CYB5R4: variants seen among roughly 807,000 people sequenced by gnomAD.
The protein encoded by CYB5R4 is N-terminal cytochrome b5 and cytochrome b5 oxidoreductase domain-containing protein.
CYB5R4 carries 55 observed loss-of-function variants against 70.2 expected under a neutral mutation model. The ratio of observed to expected loss-of-function variants is 0.78; its 90% CI spans 0.63 to 0.98. CYB5R4 has a LOEUF of 0.98. CYB5R4 is among the 50% of genes least tolerant of loss of function. The pLI is 0.00. For missense variants in CYB5R4, 562 were observed against 612.6 expected (o/e 0.92, Z 0.87); for synonymous variants, 197 against 199.5 (o/e 0.99, Z 0.11).
At chr6:83,918,670 T>G (rs1007335978) in intron 6 of CYB5R4, among the ~76,000 whole-genome samples, 7 of 152,092 alleles carry the variant, frequency 4.6e-5, no homozygotes, top group African/African-American at 1.4e-4. Flanking sequence ...TAGTTGTCTT[T>G]AACAGTTAAC....
In CYB5R4 at chr6:83,912,230, G is replaced by A. The variant is rs545205725; in HGVS notation, c.413-2186G>A. Among the ~76,000 whole-genome samples, 11 of 152,146 alleles carry A rather than the reference G, an allele frequency of 7.2e-5. No individual in the cohort carries two copies. The South Asian group carries it at 2.3e-3, about 32-fold the overall frequency. ...ACACCAAGGACATGTTTCTGTTGAT[G>A]TTGTTGTTGTTGTGACTCTTTCCAA... is the stretch of plus-strand genomic sequence containing the variant. On this transcript the variant is annotated intron_variant, in intron 4 of 15. Coordinates refer to ENST00000369681, the MANE Select transcript of CYB5R4 (RefSeq NM_016230.4).
At chr6:83,930,058 A>G (rs530327328) in intron 10 of CYB5R4, among the ~76,000 whole-genome samples, 4 of 152,334 alleles carry the variant, frequency 2.6e-5, no homozygotes, top group South Asian at 4.1e-4. Context: ...CAATAGCATT[A>G]TGTCTTAAAA....
At chr6:83,877,337 T>C (rs2099458734) in intron 2 of CYB5R4, among the ~76,000 whole-genome samples, 1 of 152,192 alleles carries the variant, frequency 6.6e-6, no homozygotes, top group Admixed American at 6.5e-5. Flanking sequence ...ATTCTTTTTT[T>C]CCCATAGTAT....
chr6:83,949,114 CTTT>C (rs35294668), intron 14 of CYB5R4, among the ~76,000 whole-genome samples: 4 of 125,830 alleles, frequency 3.2e-5, no homozygotes, highest in African/African-American at 2.9e-5. Flanking sequence ...GCGTTTTGGG[CTTT>C]TTTTTTTTTT....
At chr6:83,866,184 C>G (rs371154651) in intron 2 of CYB5R4, among the ~76,000 whole-genome samples, 1 of 152,130 alleles carries the variant, frequency 6.6e-6, no homozygotes, top group East Asian at 1.9e-4. Context: ...TATGTGAACC[C>G]TTCATATCCT....
chr6:83,860,189 T>G (rs1162523250), intron 1 of CYB5R4, among the ~76,000 whole-genome samples: 1 of 152,150 alleles, frequency 6.6e-6, no homozygotes, highest in Non-Finnish European at 1.5e-5. Context: ...ATTAGCCGCC[T>G]TCCCTCAACC....
chr6:83,923,897 C>T lies in CYB5R4; in HGVS notation c.692-573C>T, dbSNP rs1177971596. ...TGGCTAACACAGTGAAACCCCATCT[C>T]TACTAAAAATAAAAAAAAAAAAATT... On this transcript the variant is annotated intron_variant, in intron 9 of 15. Transcript: ENST00000369681. Among the ~76,000 whole-genome samples the T allele has an allele frequency of 2.0e-5, 3 of 150,754 alleles. No homozygotes were observed. In the East Asian group the frequency reaches 5.9e-4, roughly 30 times the overall value.
intron 14 of CYB5R4, among the ~76,000 whole-genome samples, chr6:83,954,977 C>T (rs2099472117): frequency 6.6e-6 from 1 of 150,490 alleles, no homozygotes; most frequent in Admixed American, 6.6e-5. Flanking sequence ...AACTCCTGTT[C>T]TCAAACAATC....
chr6:83,940,381 A>G (rs2099469555), intron 13 of CYB5R4, 134 bp from the exon 14 acceptor site: 3 of 1,076,656 alleles, frequency 2.8e-6, no homozygotes, highest in Admixed American at 3.3e-5. Context: ...CTTTTATCTC[A>G]TTTCAGTTTT....
intron 2 of CYB5R4, among the ~76,000 whole-genome samples, chr6:83,885,914 A>G (rs1463695438): frequency 6.6e-6 from 1 of 152,228 alleles, no homozygotes; most frequent in African/African-American, 2.4e-5. Context: ...CGAAAATATA[A>G]GTCCACACAA....
At chr6:83,950,683 G>A (rs2099471391) in intron 14 of CYB5R4, among the ~76,000 whole-genome samples, 1 of 151,944 alleles carries the variant, frequency 6.6e-6, no homozygotes, top group Admixed American at 6.6e-5. Flanking sequence ...TTTATAAACA[G>A]CATTTGTTGA....
chr6:83,940,063 T>C lies in CYB5R4; in HGVS notation c.1116T>C (p.Phe372=), dbSNP rs967350262. 2.0e-5 allele frequency: 31 copies of C among 1,583,770 alleles called. No individual in the cohort carries two copies. The highest frequency in any genetic ancestry group is 2.7e-5 in the African/African-American group (2 of 73,110). The change falls in exon 13 of 16, where the codon TTT becomes TTC. Residue 372 remains phenylalanine (F), a synonymous_variant. Transcript: ENST00000369681. Reference sequence around the variant, plus strand: ...TTATGTTTCATTGTTTAGGAGATTTTGTTTCTGTAAGCAGTCCTGAGGGCA... The same window carrying C: ...TTATGTTTCATTGTTTAGGAGATTTCGTTTCTGTAAGCAGTCCTGAGGGCA... ...PELDRLQIGD[F]VSVSSPEGNF...
intron 14 of CYB5R4, among the ~76,000 whole-genome samples, chr6:83,944,015 G>A (rs183882055): frequency 2.1e-3 from 327 of 152,208 alleles, no homozygotes; most frequent in African/African-American, 7.5e-3. Context: ...ATACACTTCC[G>A]GATACTATCC....
At chr6:83,957,614 C>T (rs1236281892) in intron 15 of CYB5R4, among the ~76,000 whole-genome samples, 1 of 122,344 alleles carries the variant, frequency 8.2e-6, no homozygotes, top group Non-Finnish European at 1.6e-5. Flanking sequence ...AAGAGCGAAA[C>T]TCTGTCTCAA....
rs762012130 is a variant in CYB5R4 at position 83,919,379 on chromosome 6, T to C, written c.507-18T>C. ...GATTGTCAATATAATTATTCATCCT[T>C]TTATTTATATTTTACAGCTATGATT... is the stretch of plus-strand genomic sequence containing the variant. On this transcript the variant is annotated intron_variant, in intron 6 of 15. Transcript: ENST00000369681. The C allele has an allele frequency of 2.2e-6, 3 of 1,367,656 alleles. No individual in the cohort carries two copies. Among genetic ancestry groups the C allele is most frequent in the Non-Finnish European group, 3.0e-6 (3 of 990,694 alleles). 84.7% of individuals were successfully genotyped at this position (1,367,656 alleles called of 1,614,324 possible).
At chr6:83,948,488 G>A (rs2099470997) in intron 14 of CYB5R4, among the ~76,000 whole-genome samples, 1 of 152,264 alleles carries the variant, frequency 6.6e-6, no homozygotes, top group Middle Eastern at 3.4e-3. Flanking sequence ...TTCTACACAT[G>A]TATCCCAGAA....
At chr6:83,866,296 G>C (rs1275315514) in intron 2 of CYB5R4, among the ~76,000 whole-genome samples, 1 of 152,166 alleles carries the variant, frequency 6.6e-6, no homozygotes, top group African/African-American at 2.4e-5. Flanking sequence ...TGTTTGAAAA[G>C]TGATACAGGT....
intron 4 of CYB5R4, among the ~76,000 whole-genome samples, chr6:83,911,680 A>G (rs16874103): frequency 0.025 from 3,845 of 152,240 alleles, 158 homozygotes; most frequent in African/African-American, 0.087. Flanking sequence ...TTCTTCCAGT[A>G]GAAACGTTCT....
At chr6:83,873,235 C>CTTTTTT (rs927399068) in intron 2 of CYB5R4, among the ~76,000 whole-genome samples, 84 of 99,780 alleles carry the variant, frequency 8.4e-4, no homozygotes, top group African/African-American at 2.5e-3. Flanking sequence ...GGGTATCCTT[C>CTTTTTT]TTTTTTTTTT....
Sources: allele counts gnomAD v4.1 joint callset (sites outside exome capture counted in the v4.1 genomes callset), GRCh38; gene constraint gnomAD v4.1.1; transcripts MANE v1.5; gene names NCBI Gene and HGNC (gene_info 2026-07-23, HGNC 2026-07-21).